LRP1B: variants seen among roughly 807,000 people sequenced by gnomAD.
LRP1B encodes the protein LDL receptor related protein 1B.
A neutral mutation model predicts 556.6 loss-of-function variants in LRP1B; 217 were observed. That is an observed-to-expected ratio of 0.39 (90% CI 0.35 to 0.44). The LOEUF (loss-of-function observed/expected upper bound fraction) is 0.44, where lower values mean the gene tolerates loss of function less well. Among genes scored for constraint, LRP1B ranks in the 20% least tolerant of loss-of-function variants. The probability of loss-of-function intolerance (pLI) is 1.00; values close to 1 mark genes in which losing one functional copy is unlikely to be tolerated. For missense variants in LRP1B, 5,053 were observed against 5,620.8 expected, an observed-to-expected ratio of 0.90 and a Z score of 3.23; for synonymous variants, 2,047 against 1,865.8, an observed-to-expected ratio of 1.10 and a Z score of -2.50.
chr2:141,891,576 A>T (rs1699291665), intron 1 of LRP1B, among the ~76,000 whole-genome samples: 1 of 152,170 alleles, frequency 6.6e-6, no homozygotes, highest in Non-Finnish European at 1.5e-5. Flanking sequence ...ATTAAAATAA[A>T]ACAAAATCCT....
intron 35 of LRP1B, among the ~76,000 whole-genome samples, chr2:140,725,303 T>C (rs981332695): frequency 6.6e-6 from 1 of 151,260 alleles, no homozygotes; most frequent in African/African-American, 2.4e-5. Context: ...TTCTGTGCCA[T>C]TTCAATCCAG....
At chr2:141,661,831 C>A (rs537656965) in intron 2 of LRP1B, among the ~76,000 whole-genome samples, 1 of 152,220 alleles carries the variant, frequency 6.6e-6, no homozygotes, top group Admixed American at 6.5e-5. Flanking sequence ...ATCCAGAGAA[C>A]CCCAGTAAGA....
chr2:141,511,192 C>A (rs920045963), intron 2 of LRP1B, among the ~76,000 whole-genome samples: 2 of 152,090 alleles, frequency 1.3e-5, no homozygotes, highest in Non-Finnish European at 2.9e-5. Context: ...TATATGAAAT[C>A]TTTTCTTATT....
intron 1 of LRP1B, among the ~76,000 whole-genome samples, chr2:142,026,627 G>A (rs367578447): frequency 2.0e-5 from 3 of 152,086 alleles, no homozygotes; most frequent in South Asian, 4.1e-4. Flanking sequence ...GATGCCAGTT[G>A]GCATTTATGC....
chr2:141,131,408 T>TATATATATATATAC lies in LRP1B; in HGVS notation c.1013+57012_1013+57013insGTATATATATATAT, dbSNP rs1491511637. 4.1e-3 allele frequency among the ~76,000 whole-genome samples: 13 copies of TATATATATATATAC among 3,176 alleles called. No homozygotes were observed. The Admixed American group carries it at 0.047, about 11-fold the overall frequency. The allele number at this position is 3,176 out of a possible 152,430, so 2.1% of individuals were successfully genotyped here. The stretch of plus-strand genomic sequence containing the variant: ...GTTACAAAATTATAATGCATAAAGT[T>TATATATATATATAC]ATATATATATATATATATATATTTG... On this transcript the variant is annotated intron_variant, in intron 7 of 90. Coordinates refer to ENST00000389484, the MANE Select transcript of LRP1B (RefSeq NM_018557.3).
At chr2:140,266,280 C>G (rs546924500) in intron 86 of LRP1B, among the ~76,000 whole-genome samples, 34 of 152,154 alleles carry the variant, frequency 2.2e-4, no homozygotes, top group African/African-American at 7.9e-4. Context: ...GGCCACCTAA[C>G]TGAGAAATCC....
intron 2 of LRP1B, among the ~76,000 whole-genome samples, chr2:141,484,324 C>A (rs1683035020): frequency 6.7e-6 from 1 of 149,004 alleles, no homozygotes; most frequent in Non-Finnish European, 1.5e-5. Context: ...TGGTCTATAT[C>A]TCCATTTTGG....
In LRP1B at chr2:140,868,141, G is replaced by C. The variant is rs941996133; in HGVS notation, c.4292C>G (p.Thr1431Ser). ...MKTGAWPNGLTVDHFEKRIVW... is the reference protein window; with the variant it reads ...MKTGAWPNGLSVDHFEKRIVW... Reference sequence around the variant, plus strand: ...TATCCTTTTCTCAAAGTGGTCCACAGTTAGTCCATTAGGCCAAGCCCCAGT... The same window carrying C: ...TATCCTTTTCTCAAAGTGGTCCACACTTAGTCCATTAGGCCAAGCCCCAGT... Residue 1431 changes from threonine to serine, a missense_variant, in exon 26 of 91, where the codon ACT (threonine) becomes AGT (serine). Physicochemically the swap from Thr to Ser is moderately conservative, Grantham distance 58. Coordinates refer to ENST00000389484, the MANE Select transcript of LRP1B (RefSeq NM_018557.3). 3 of 1,610,796 alleles carry C rather than the reference G, an allele frequency of 1.9e-6. No homozygotes were observed. Among genetic ancestry groups the C allele is most frequent in the Non-Finnish European group, 8.5e-7 (1 of 1,178,560 alleles).
Position 141,845,361 on chromosome 2 carries a change from GA to G in LRP1B, c.83-34961del, listed in dbSNP as rs537426208. On this transcript the variant is annotated intron_variant, in intron 1 of 90. Coordinates refer to ENST00000389484, the MANE Select transcript of LRP1B (RefSeq NM_018557.3). ...GGAGGTAAAAATGGAAGAATTCATAGAAAAAAAATGCTGGTTTTTGGAAATA... is the reference window on the plus strand; with the variant it reads ...GGAGGTAAAAATGGAAGAATTCATAGAAAAAAATGCTGGTTTTTGGAAATA... Among the ~76,000 whole-genome samples the G allele has an allele frequency of 1.4e-3, 219 of 151,688 alleles. 1 individual carries two copies. The highest frequency in any genetic ancestry group is 2.3e-3 in the Non-Finnish European group (159 of 67,796).
chr2:141,087,737 A>C (rs60044469), intron 7 of LRP1B, among the ~76,000 whole-genome samples: 5,217 of 152,290 alleles, frequency 0.034, 259 homozygotes, highest in East Asian at 0.14. Flanking sequence ...GGAAACTTGA[A>C]GGGCAAGTAG....
intron 86 of LRP1B, among the ~76,000 whole-genome samples, chr2:140,250,893 A>C (rs907431984): frequency 6.6e-6 from 1 of 151,822 alleles, no homozygotes; most frequent in African/African-American, 2.4e-5. Context: ...TGAGGATGAG[A>C]ATAATAATAT....
chr2:141,722,475 C>T (rs1290014197), intron 2 of LRP1B, among the ~76,000 whole-genome samples: 1 of 152,140 alleles, frequency 6.6e-6, no homozygotes, highest in African/African-American at 2.4e-5. Context: ...ATTAGTACAA[C>T]TAATTTACAC....
intron 7 of LRP1B, among the ~76,000 whole-genome samples, chr2:141,140,635 C>T (rs1701626785): frequency 6.6e-6 from 1 of 152,132 alleles, no homozygotes; most frequent in Non-Finnish European, 1.5e-5. Flanking sequence ...TGGCAGCCAT[C>T]TGCAAGCTAA....
Position 141,864,792 on chromosome 2 carries a change from G to T in LRP1B, c.83-54391C>A, listed in dbSNP as rs542609576. 3.3e-5 allele frequency among the ~76,000 whole-genome samples: 5 copies of T among 152,250 alleles called. 1 individual carries two copies. The highest frequency in any genetic ancestry group is 1.2e-4 in the African/African-American group (5 of 41,548). Reference sequence around the variant, plus strand: ...AGCTACTCAGGAGGCTGAGGCAGGAGAATCACTTGAATCCAGGAGGCGGAG... The same window carrying T: ...AGCTACTCAGGAGGCTGAGGCAGGATAATCACTTGAATCCAGGAGGCGGAG... On this transcript the variant is annotated intron_variant, in intron 1 of 90. Coordinates refer to ENST00000389484, the MANE Select transcript of LRP1B (RefSeq NM_018557.3).
At chr2:140,942,161 C>T (rs189515021) in intron 20 of LRP1B, among the ~76,000 whole-genome samples, 21 of 152,160 alleles carry the variant, frequency 1.4e-4, no homozygotes, top group African/African-American at 5.1e-4. Flanking sequence ...GAAGCCTTAA[C>T]AACAGACTAG....
At chr2:141,894,747 C>T (rs1390551404) in intron 1 of LRP1B, among the ~76,000 whole-genome samples, 2 of 151,218 alleles carry the variant, frequency 1.3e-5, no homozygotes, top group Non-Finnish European at 3.0e-5. Context: ...CTATATATAC[C>T]CATTAAGAAA....
At chr2:140,466,799 CTT>C (rs1687567283) in intron 60 of LRP1B, among the ~76,000 whole-genome samples, 1 of 152,100 alleles carries the variant, frequency 6.6e-6, no homozygotes, top group Non-Finnish European at 1.5e-5. Flanking sequence ...TCAAACGTAA[CTT>C]TTTCTTAGTT....
At chr2:141,160,306 T>C (rs1679960168) in intron 7 of LRP1B, among the ~76,000 whole-genome samples, 1 of 152,142 alleles carries the variant, frequency 6.6e-6, no homozygotes, top group Admixed American at 6.6e-5. Flanking sequence ...CTCTCATATA[T>C]TGCTGGTGAA....
intron 63 of LRP1B, among the ~76,000 whole-genome samples, chr2:140,449,059 A>T (rs991978369): frequency 2.0e-5 from 3 of 152,116 alleles, no homozygotes; most frequent in African/African-American, 7.2e-5. Flanking sequence ...CTAAGTCTGT[A>T]GTTAATTTTT....
Sources: allele counts gnomAD v4.1 joint callset (sites outside exome capture counted in the v4.1 genomes callset), GRCh38; gene constraint gnomAD v4.1.1; transcripts MANE v1.5; gene names NCBI Gene and HGNC (gene_info 2026-07-23, HGNC 2026-07-21).